TRIM24: variants seen among roughly 807,000 people sequenced by gnomAD.
The protein encoded by TRIM24 is tripartite motif containing 24.
A neutral mutation model predicts 123.9 loss-of-function variants in TRIM24; 29 were observed. The observed-to-expected ratio is 0.23, with a 90% CI of 0.17 to 0.32. The LOEUF (loss-of-function observed/expected upper bound fraction) is 0.32, where lower values mean the gene tolerates loss of function less well. Ranked by LOEUF, TRIM24 falls within the 10% of genes least tolerant of loss-of-function variation. The pLI, the probability that TRIM24 is intolerant of heterozygous loss-of-function variation, is 1.00. For missense variants in TRIM24, 932 were observed against 1,295.3 expected (o/e 0.72, Z 4.31); for synonymous variants, 456 against 461.1 (o/e 0.99, Z 0.14).
At chr7:138,538,471 T>C (rs1228936127) in intron 6 of TRIM24, among the ~76,000 whole-genome samples, 186 bp from the exon 7 acceptor site, 1 of 152,146 alleles carries the variant, frequency 6.6e-6, no homozygotes, top group East Asian at 1.9e-4. Context: ...AGGGGCCACA[T>C]TGGGATGCAG....
intron 9 of TRIM24, among the ~76,000 whole-genome samples, chr7:138,556,759 G>C (rs1350138976): frequency 1.3e-5 from 2 of 152,186 alleles, no homozygotes; most frequent in African/African-American, 2.4e-5. Context: ...CCTTTGCCTT[G>C]TTGCAGGAAT....
chr7:138,508,692 T>TGTGCGCGCGCGTGC (rs1422176564), intron 2 of TRIM24, among the ~76,000 whole-genome samples: 2 of 137,214 alleles, frequency 1.5e-5, no homozygotes, highest in Non-Finnish European at 1.6e-5. Flanking sequence ...TGTGTGTGTG[T>TGTGCGCGCGCGTGC]GCGCGCGCGT....
At chr7:138,471,431 C>G (rs770008461) in intron 1 of TRIM24, among the ~76,000 whole-genome samples, 1 of 152,042 alleles carries the variant, frequency 6.6e-6, no homozygotes, top group South Asian at 2.1e-4. Flanking sequence ...TCCTCTTTGA[C>G]ATTATGAAAC....
chr7:138,579,586 T>C (rs969453803), intron 15 of TRIM24, 54 bp downstream of exon 15: 57 of 1,446,364 alleles, frequency 3.9e-5, no homozygotes, highest in Admixed American at 4.4e-5. Context: ...TTGAAGATTA[T>C]TTTAACAGAA....
intron 2 of TRIM24, among the ~76,000 whole-genome samples, chr7:138,507,529 G>A (rs1353703240): frequency 6.6e-6 from 1 of 151,760 alleles, no homozygotes; most frequent in African/African-American, 2.4e-5. Context: ...CACCATGTTC[G>A]CCAGACTGGT....
intron 1 of TRIM24, among the ~76,000 whole-genome samples, chr7:138,474,087 C>T (rs1213458175): frequency 5.3e-5 from 8 of 151,578 alleles, no homozygotes; most frequent in Admixed American, 5.3e-4. Context: ...TTTTTTATTT[C>T]CTGGCAAAAT....
chr7:138,576,844 A>G (rs1232996457), intron 13 of TRIM24, among the ~76,000 whole-genome samples: 2 of 152,234 alleles, frequency 1.3e-5, no homozygotes, highest in South Asian at 2.1e-4. Flanking sequence ...TTGAAATTCT[A>G]TATTTTAAGC....
chr7:138,516,305 AAATAAT>A (rs967462132), intron 3 of TRIM24, among the ~76,000 whole-genome samples: 7 of 152,110 alleles, frequency 4.6e-5, no homozygotes, highest in African/African-American at 1.2e-4. Context: ...CCGTCTCAAA[AAATAAT>A]AATAATAATA....
At chr7:138,531,196 TGTATA>T (rs1796725813) in intron 6 of TRIM24, among the ~76,000 whole-genome samples, 2 of 147,910 alleles carry the variant, frequency 1.4e-5, no homozygotes, top group African/African-American at 2.7e-5. Context: ...TATGTATACA[TGTATA>T]CATGTATACG....
At position 138,585,682 on chromosome 7, in the gene TRIM24, AT is replaced by A. The variant is rs1034639347; in HGVS notation, c.*735del. On this transcript the variant is annotated 3_prime_UTR_variant, in exon 19 of 19. Transcript: ENST00000343526. ...ATTTTTTATACATTTCTAGATCTAGATTTTCAACTTCTTCCACTGAGGGAAG... is the reference window on the plus strand; with the variant it reads ...ATTTTTTATACATTTCTAGATCTAGATTTCAACTTCTTCCACTGAGGGAAG... 5.2e-6 allele frequency: 2 copies of A among 385,924 alleles called. No individual in the cohort carries two copies. The highest frequency in any genetic ancestry group is 4.3e-5 in the African/African-American group (2 of 46,014). 23.9% of individuals were successfully genotyped at this position (385,924 alleles called of 1,614,324 possible).
intron 4 of TRIM24, among the ~76,000 whole-genome samples, chr7:138,524,940 G>A (rs6946420): frequency 0.49 from 74,578 of 151,870 alleles, 19,965 homozygotes; most frequent in African/African-American, 0.67. Flanking sequence ...ATCTGATTAT[G>A]TATAATTGAC....
At chr7:138,513,555 GC>G (rs1166696345) in intron 2 of TRIM24, among the ~76,000 whole-genome samples, 2 of 152,024 alleles carry the variant, frequency 1.3e-5, no homozygotes, top group African/African-American at 4.8e-5. Context: ...TGGAGCAGGG[GC>G]AAAAAGAGAG....
At chr7:138,556,436 A>AT (rs1563058672) in intron 9 of TRIM24, 1 of 152,196 alleles carries the variant, frequency 6.6e-6, no homozygotes, top group Non-Finnish European at 1.5e-5. Context: ...AAGAATAAAA[A>AT]TAATAAAGAG....
intron 7 of TRIM24, among the ~76,000 whole-genome samples, chr7:138,542,938 A>T (rs1797032389): frequency 6.6e-6 from 1 of 152,208 alleles, no homozygotes; most frequent in African/African-American, 2.4e-5. Flanking sequence ...AATGGAAAAC[A>T]TCTATACACT....
At chr7:138,505,506 GGTGGTTGTT>G (rs1242921172) in intron 2 of TRIM24, among the ~76,000 whole-genome samples, 514 of 50,172 alleles carry the variant, frequency 0.01, 4 homozygotes, top group African/African-American at 0.035. Flanking sequence ...TTTTGGGGGT[GGTGGTTGTT>G]GTTGTTGTTG....
intron 1 of TRIM24, among the ~76,000 whole-genome samples, chr7:138,490,361 T>A: frequency 6.6e-6 from 1 of 152,202 alleles, no homozygotes; most frequent in African/African-American, 2.4e-5. Flanking sequence ...TGTCAACTCA[T>A]CAAAGTTATT....
intron 1 of TRIM24, among the ~76,000 whole-genome samples, chr7:138,492,484 G>A (rs1472493129): frequency 6.6e-6 from 1 of 151,978 alleles, no homozygotes; most frequent in Non-Finnish European, 1.5e-5. Flanking sequence ...TTTAATTTTG[G>A]TGAAGGGGAC....
At chr7:138,494,004 G>A (rs1001495413) in intron 1 of TRIM24, among the ~76,000 whole-genome samples, 1 of 151,920 alleles carries the variant, frequency 6.6e-6, no homozygotes, top group Non-Finnish European at 1.5e-5. Context: ...TTTTGGAGAT[G>A]GAGTTTCACT....
At chr7:138,569,885 AT>A (rs1281780354) in intron 10 of TRIM24, among the ~76,000 whole-genome samples, 3 of 151,168 alleles carry the variant, frequency 2.0e-5, no homozygotes, top group Non-Finnish European at 4.4e-5. Context: ...TATAGGGAAC[AT>A]TTTGTTCTAC....
Sources: allele counts gnomAD v4.1 joint callset (sites outside exome capture counted in the v4.1 genomes callset), GRCh38; gene constraint gnomAD v4.1.1; transcripts MANE v1.5; gene names NCBI Gene and HGNC (gene_info 2026-07-23, HGNC 2026-07-21).